HEPHL1: variants seen among roughly 807,000 people sequenced by gnomAD.
The protein encoded by HEPHL1 is hephaestin like 1.
HEPHL1 carries 123 observed loss-of-function variants against 122.0 expected under a neutral mutation model. The observed-to-expected ratio is 1.01, with a 90% CI of 0.87 to 1.17. The LOEUF (loss-of-function observed/expected upper bound fraction) is 1.17. Among genes scored for constraint, HEPHL1 ranks in the 50% most tolerant of loss-of-function variants. The pLI, the probability that HEPHL1 is intolerant of heterozygous loss-of-function variation, is 0.00. For synonymous variants in HEPHL1, 527 were observed against 508.9 expected, an observed-to-expected ratio of 1.04 and a Z score of -0.48; for missense variants, 1,452 against 1,430.5, an observed-to-expected ratio of 1.01 and a Z score of -0.24.
intron 1 of HEPHL1, among the ~76,000 whole-genome samples, chr11:94,042,555 A>G (rs1324570413): frequency 1.3e-5 from 2 of 151,338 alleles, no homozygotes; most frequent in East Asian, 4.0e-4. Flanking sequence ...ATACAAAATG[A>G]TGAGTTCATG....
chr11:94,112,908 A>G lies in HEPHL1; in HGVS notation c.*1014A>G, dbSNP rs1450220920. On this transcript the variant is annotated 3_prime_UTR_variant, in exon 20 of 20. Transcript: ENST00000315765. ...GTATGAGAAACATCAGGAGGAATTT[A>G]TCAATGTAGGTGACTAGATAGGAGA... is the stretch of plus-strand genomic sequence containing the variant. 2.0e-5 allele frequency: 3 copies of G among 152,178 alleles called. No individual in the cohort carries two copies. The highest frequency in any genetic ancestry group is 4.4e-5 in the Non-Finnish European group (3 of 68,032). The allele number at this position is 152,178 out of a possible 1,614,324, so 9.4% of individuals were successfully genotyped here.
chr11:94,047,678 T>G (rs921910192), intron 2 of HEPHL1, among the ~76,000 whole-genome samples: 5 of 152,176 alleles, frequency 3.3e-5, no homozygotes, highest in African/African-American at 1.2e-4. Context: ...TGTACCAAGA[T>G]AGTTGTGCCT....
intron 10 of HEPHL1, among the ~76,000 whole-genome samples, chr11:94,085,248 TG>T (rs1946207014): frequency 6.6e-6 from 1 of 152,236 alleles, no homozygotes; most frequent in Admixed American, 6.5e-5. Context: ...ATCAATGGAT[TG>T]GGGTTGATGT....
At chr11:94,046,518 C>T (rs1398344984) in intron 2 of HEPHL1, among the ~76,000 whole-genome samples, 1 of 148,502 alleles carries the variant, frequency 6.7e-6, no homozygotes, top group African/African-American at 2.5e-5. Context: ...TAGCTTTCTT[C>T]CTTGTCACTT....
rs988628461 is a variant in HEPHL1, at chr11:94,114,103, C to G, written c.*2209C>G. ...TCTTGCTTTCTCAAGACTTCATTCCCTTGGGTATCCATTTTTCCTCCTGCA... is the reference window on the plus strand; with the variant it reads ...TCTTGCTTTCTCAAGACTTCATTCCGTTGGGTATCCATTTTTCCTCCTGCA... On this transcript the variant is annotated 3_prime_UTR_variant, in exon 20 of 20. Coordinates refer to ENST00000315765, the MANE Select transcript of HEPHL1 (RefSeq NM_001098672.2). Among the ~76,000 whole-genome samples the G allele has an allele frequency of 5.3e-5, 8 of 152,320 alleles. No homozygotes were observed. Among genetic ancestry groups the G allele is most frequent in the Non-Finnish European group, 1.0e-4 (7 of 68,022 alleles).
rs531156348 is a variant in HEPHL1 at position 94,103,900 on chromosome 11, A to T, written c.2683-628A>T. Reference sequence around the variant, plus strand: ...TGGGAAAATCCAAATTTATTTATGCATCACAACAAATACTTATTGAGCACT... The same window carrying T: ...TGGGAAAATCCAAATTTATTTATGCTTCACAACAAATACTTATTGAGCACT... On this transcript the variant is annotated intron_variant, in intron 15 of 19. Coordinates refer to ENST00000315765, the MANE Select transcript of HEPHL1 (RefSeq NM_001098672.2). Among the ~76,000 whole-genome samples the T allele has an allele frequency of 6.9e-4, 105 of 152,348 alleles. 1 individual carries two copies. Among genetic ancestry groups the T allele is most frequent in the Non-Finnish European group, 1.3e-3 (91 of 68,030 alleles).
chr11:94,102,886 T>C (rs1296760387), intron 14 of HEPHL1, 28 bp from the exon 15 acceptor site: 2 of 1,122,628 alleles, frequency 1.8e-6, no homozygotes, highest in African/African-American at 3.1e-5. Flanking sequence ...ATAATTCTAA[T>C]AAATTTTTTC....
chr11:94,054,782 T>C (rs1945921788), intron 2 of HEPHL1, among the ~76,000 whole-genome samples: 1 of 152,250 alleles, frequency 6.6e-6, no homozygotes. Flanking sequence ...CTAAAGCCAG[T>C]CTGCATAGGC....
chr11:94,033,110 G>T (rs149891510), intron 1 of HEPHL1, among the ~76,000 whole-genome samples: 2 of 152,228 alleles, frequency 1.3e-5, no homozygotes, highest in African/African-American at 4.8e-5. Flanking sequence ...TTTTCAAGTC[G>T]CCCGCTTGGC....
intron 2 of HEPHL1, among the ~76,000 whole-genome samples, chr11:94,048,610 C>T (rs1003613539): frequency 6.6e-6 from 1 of 152,088 alleles, no homozygotes; most frequent in African/African-American, 2.4e-5. Context: ...AGTCCTCCTT[C>T]CTTGGCCTCT....
chr11:94,084,148 G>A (rs963507806), intron 10 of HEPHL1, among the ~76,000 whole-genome samples: 2 of 151,940 alleles, frequency 1.3e-5, no homozygotes, highest in Non-Finnish European at 2.9e-5. Context: ...AACTTAGTGA[G>A]ACCCCATCTC....
chr11:94,094,268 G>A (rs371239837), intron 13 of HEPHL1, among the ~76,000 whole-genome samples: 5 of 151,524 alleles, frequency 3.3e-5, no homozygotes, highest in African/African-American at 4.9e-5. Context: ...TTGTCCTTGC[G>A]ATAGTTTGCT....
At chr11:94,108,498 A>C (rs1591491449) in intron 17 of HEPHL1, among the ~76,000 whole-genome samples, 1 of 152,066 alleles carries the variant, frequency 6.6e-6, no homozygotes, top group Non-Finnish European at 1.5e-5. Flanking sequence ...TGAAGGTCCC[A>C]AAAAAGGTCT....
Position 94,021,416 on chromosome 11 carries a change from G to T in HEPHL1, c.48G>T (p.Leu16=). The T allele has an allele frequency of 6.2e-7, 1 of 1,613,566 alleles. No individual in the cohort carries two copies. Among genetic ancestry groups the T allele is most frequent in the South Asian group, 1.1e-5 (1 of 90,958 alleles). ...GCTGCATCTTTCTCCTCACATTCCT[G>T]GGTCTGTCTGGGCTGGTTGGCACAG... ...PAGCIFLLTF[L]GLSGLVGTVT... Residue 16 remains leucine (L), a synonymous_variant, in exon 1 of 20, where the codon CTG becomes CTT. Coordinates refer to ENST00000315765, the MANE Select transcript of HEPHL1 (RefSeq NM_001098672.2).
At chr11:94,091,677 T>A (rs1371316754) in intron 12 of HEPHL1, among the ~76,000 whole-genome samples, 1 of 152,106 alleles carries the variant, frequency 6.6e-6, no homozygotes, top group Non-Finnish European at 1.5e-5. Context: ...ACAGGAGATA[T>A]GGCAGAAGCA....
At chr11:94,047,517 T>C (rs983216214) in intron 2 of HEPHL1, among the ~76,000 whole-genome samples, 9 of 151,970 alleles carry the variant, frequency 5.9e-5, no homozygotes, top group African/African-American at 1.5e-4. Context: ...GCTTTATCCA[T>C]GTCCCTGCAA....
intron 9 of HEPHL1, among the ~76,000 whole-genome samples, chr11:94,076,248 A>G (rs1056585141): frequency 6.6e-6 from 1 of 152,168 alleles, no homozygotes; most frequent in Admixed American, 6.6e-5. Flanking sequence ...GTGCCTCAAC[A>G]AGCACACAAG....
rs941248063 is a variant in HEPHL1, at chr11:94,071,886, G to T, written c.1233-1139G>T. ...GGAGGGGTTGATGCAAAGCACCTGT[G>T]GCATGGGAGGAATGAACAGATGAGA... On this transcript the variant is annotated intron_variant, in intron 6 of 19. Transcript: ENST00000315765. Among the ~76,000 whole-genome samples, 4 of 152,230 alleles carry T rather than the reference G, an allele frequency of 2.6e-5. No homozygotes were observed. In the East Asian group the frequency reaches 7.7e-4, roughly 29 times the overall value.
At position 94,113,654 on chromosome 11, in the gene HEPHL1, GTTT is replaced by G. The variant is rs201587732; in HGVS notation, c.*1767_*1769del. The G allele has an allele frequency of 6.7e-6, 1 of 149,822 alleles. No individual in the cohort carries two copies. The highest frequency in any genetic ancestry group is 2.1e-4 in the South Asian group (1 of 4,708). 9.3% of individuals were successfully genotyped at this position (149,822 alleles called of 1,614,324 possible). ...CCTTAGTAAGACAAGTTGTTCAGTT[GTTT>G]TTTTTTCTTTTCAGTTTATTTTTTT... On this transcript the variant is annotated 3_prime_UTR_variant, in exon 20 of 20. Transcript: ENST00000315765.
Sources: allele counts gnomAD v4.1 joint callset (sites outside exome capture counted in the v4.1 genomes callset), GRCh38; gene constraint gnomAD v4.1.1; transcripts MANE v1.5; gene names NCBI Gene and HGNC (gene_info 2026-07-23, HGNC 2026-07-21).